KIAA0040: variants seen among roughly 807,000 people sequenced by gnomAD.
KIAA0040 encodes KIAA0040, also known as uncharacterized protein KIAA0040.
KIAA0040 carries 10 observed loss-of-function variants against 7.2 expected under a neutral mutation model. The observed-to-expected ratio is 1.38, with a 90% CI of 0.85 to 2.34. The LOEUF (loss-of-function observed/expected upper bound fraction) is 2.34, where lower values mean the gene tolerates loss of function less well. Among genes scored for constraint, KIAA0040 ranks in the 30% most tolerant of loss-of-function variants. The pLI is 0.00. For synonymous variants in KIAA0040, 49 were observed against 40.1 expected, an observed-to-expected ratio of 1.22 and a Z score of -0.84; for missense variants, 89 against 108.2, an observed-to-expected ratio of 0.82 and a Z score of 0.79.
intron 1 of KIAA0040, among the ~76,000 whole-genome samples, chr1:175,192,226 G>T (rs992832220): frequency 2.0e-5 from 3 of 152,204 alleles, no homozygotes; most frequent in Non-Finnish European, 4.4e-5. Context: ...TAGTTCCTTA[G>T]CTCCAGAGAA....
intron 2 of KIAA0040, among the ~76,000 whole-genome samples, chr1:175,173,761 C>A (rs936675479): frequency 2.6e-5 from 4 of 152,164 alleles, no homozygotes; most frequent in Non-Finnish European, 4.4e-5. Context: ...TTAATAGGAC[C>A]AAACACGTTG....
intron 2 of KIAA0040, among the ~76,000 whole-genome samples, chr1:175,175,048 T>C (rs1206520618): frequency 2.0e-5 from 3 of 152,190 alleles, no homozygotes; most frequent in Non-Finnish European, 4.4e-5. Flanking sequence ...TTAGGAGCGG[T>C]TGAGTGGGGC....
intron 3 of KIAA0040, among the ~76,000 whole-genome samples, chr1:175,163,754 C>T (rs930172029): frequency 2.6e-5 from 4 of 152,130 alleles, no homozygotes; most frequent in African/African-American, 4.8e-5. Context: ...TCCTGATTCA[C>T]GTTAGATAAC....
At chr1:175,189,043 T>C (rs1677772207) in intron 1 of KIAA0040, among the ~76,000 whole-genome samples, 1 of 152,148 alleles carries the variant, frequency 6.6e-6, no homozygotes, top group African/African-American at 2.4e-5. Context: ...CCCTGAACTG[T>C]AGTTTGCTCA....
intron 2 of KIAA0040, among the ~76,000 whole-genome samples, chr1:175,177,158 T>A (rs1450285557): frequency 1.3e-5 from 2 of 152,240 alleles, no homozygotes; most frequent in African/African-American, 2.4e-5. Flanking sequence ...CTCCATGATG[T>A]GGCCTCAGGG....
intron 1 of KIAA0040, among the ~76,000 whole-genome samples, chr1:175,183,641 G>A (rs941470561): frequency 6.6e-6 from 1 of 152,202 alleles, no homozygotes; most frequent in African/African-American, 2.4e-5. Context: ...CGGACATCTG[G>A]GGAGCCAGCC....
At chr1:175,186,852 A>C (rs1013931493) in intron 1 of KIAA0040, among the ~76,000 whole-genome samples, 8 of 152,200 alleles carry the variant, frequency 5.3e-5, no homozygotes, top group African/African-American at 1.7e-4. Flanking sequence ...GTGGGGTGGT[A>C]TGCAAGTGTG....
rs2861158 is a variant in KIAA0040 at position 175,166,693 on chromosome 1, G to A, written c.-265C>T. The A allele has an allele frequency of 0.22, 34,060 of 152,038 alleles. 4,929 individuals are homozygous for A. Among genetic ancestry groups the A allele is most frequent in the Admixed American group, 0.4 (6,102 of 15,250 alleles). 9.4% of individuals were successfully genotyped at this position (152,038 alleles called of 1,614,324 possible). A position where few individuals can be genotyped will look rare whatever the true frequency, so the allele number is the denominator to read the frequency against. ...GTCACGTTCAACGTAGTAAACAATCGCTGAACACCCGCCCTGTGCATTCAG... is the reference window on the plus strand; with the variant it reads ...GTCACGTTCAACGTAGTAAACAATCACTGAACACCCGCCCTGTGCATTCAG... On this transcript the variant is annotated 5_prime_UTR_variant, in exon 3 of 4. The change creates a premature stop within an existing upstream ORF in the 5' untranslated region. Transcript: ENST00000423313.
At chr1:175,168,398 A>C (rs1676856226) in intron 2 of KIAA0040, among the ~76,000 whole-genome samples, 1 of 152,292 alleles carries the variant, frequency 6.6e-6, no homozygotes, top group African/African-American at 2.4e-5. Context: ...TTTTCCCCCC[A>C]GAGTATATAT....
In KIAA0040 at chr1:175,173,580, T is replaced by C. The variant is rs116236619; in HGVS notation, c.-310+4031A>G. 7.9e-3 allele frequency among the ~76,000 whole-genome samples: 1,210 copies of C among 152,338 alleles called. 14 individuals carry two copies. The highest frequency in any genetic ancestry group is 0.028 in the African/African-American group (1,147 of 41,576). ...TCCTCTCTGAGTCCAGAGATCCTAC[T>C]GTAACCACCATTCTCAGAATGCTGA... On this transcript the variant is annotated intron_variant, in intron 2 of 3. Transcript: ENST00000423313.
In KIAA0040 at chr1:175,159,402, G is replaced by A. The variant is rs564836781; in HGVS notation, c.*1312C>T. On this transcript the variant is annotated 3_prime_UTR_variant, in exon 4 of 4. Coordinates refer to ENST00000423313, the MANE Select transcript of KIAA0040 (RefSeq NM_014656.3). Reference sequence around the variant, plus strand: ...CACTTAGAAGAGAAGATCACTCGGGGAGAACTGGTGAGGTATTACAAGCTT... The same window carrying A: ...CACTTAGAAGAGAAGATCACTCGGGAAGAACTGGTGAGGTATTACAAGCTT... 6.6e-6 allele frequency: 1 copy of A among 152,326 alleles called. No homozygotes were observed. Among genetic ancestry groups the A allele is most frequent in the Admixed American group, 6.5e-5 (1 of 15,296 alleles). 9.4% of individuals were successfully genotyped at this position (152,326 alleles called of 1,614,324 possible).
intron 1 of KIAA0040, among the ~76,000 whole-genome samples, chr1:175,181,983 C>CT (rs1252973278): frequency 6.6e-6 from 1 of 152,200 alleles, no homozygotes; most frequent in Non-Finnish European, 1.5e-5. Context: ...CTCCCAGGGC[C>CT]TTCTTGCAGC....
chr1:175,173,756 A>G (rs1382166762), intron 2 of KIAA0040, among the ~76,000 whole-genome samples: 1 of 152,222 alleles, frequency 6.6e-6, no homozygotes, highest in Non-Finnish European at 1.5e-5. Flanking sequence ...ATGTTTTAAT[A>G]GGACCAAACA....
rs1439207911 is a variant in KIAA0040, at chr1:175,161,058, G to A, written c.-45C>T. The A allele has an allele frequency of 5.3e-6, 8 of 1,507,600 alleles. No homozygotes were observed. The highest frequency in any genetic ancestry group is 2.5e-5 in the East Asian group (1 of 40,538). 93.4% of individuals were successfully genotyped at this position (1,507,600 alleles called of 1,614,324 possible). ...GCCAGAGAACCCTCTCGGCTTACAA[G>A]CAGGTCCTGGGCTCAAAAGGATGCA... On this transcript the variant is annotated 5_prime_UTR_variant, in exon 4 of 4. Transcript: ENST00000423313.
At chr1:175,185,132 T>C (rs1443714043) in intron 1 of KIAA0040, among the ~76,000 whole-genome samples, 1 of 152,180 alleles carries the variant, frequency 6.6e-6, no homozygotes, top group African/African-American at 2.4e-5. Context: ...GAAATGCACA[T>C]TGGATTTTAA....
At chr1:175,181,467 ACTT>A (rs909785453) in intron 1 of KIAA0040, among the ~76,000 whole-genome samples, 9 of 152,242 alleles carry the variant, frequency 5.9e-5, no homozygotes, top group African/African-American at 2.2e-4. Flanking sequence ...TGCATGAAGA[ACTT>A]CTCTCTCTTC....
chr1:175,178,654 A>G lies in KIAA0040; in HGVS notation c.-383-970T>C, dbSNP rs1443093559. ...AAAAGAGTTTCTTCACGAACCTTAG[A>G]GCACTGAAGTCCTGCTCTGCTTAGC... On this transcript the variant is annotated intron_variant, in intron 1 of 3. Coordinates refer to ENST00000423313, the MANE Select transcript of KIAA0040 (RefSeq NM_014656.3). 3.9e-5 allele frequency among the ~76,000 whole-genome samples: 6 copies of G among 152,308 alleles called. No homozygotes were observed. The East Asian group carries it at 1.2e-3, about 29-fold the overall frequency.
chr1:175,164,553 A>G (rs1676680247), intron 3 of KIAA0040, among the ~76,000 whole-genome samples: 2 of 152,058 alleles, frequency 1.3e-5, no homozygotes, highest in Non-Finnish European at 1.5e-5. Flanking sequence ...GGCACCTAAA[A>G]TGGCCTTTGA....
At chr1:175,185,485 T>C (rs1247358998) in intron 1 of KIAA0040, among the ~76,000 whole-genome samples, 2 of 152,200 alleles carry the variant, frequency 1.3e-5, no homozygotes, top group African/African-American at 2.4e-5. Context: ...AGAGGTAGTA[T>C]TTAATATCTT....
Sources: allele counts gnomAD v4.1 joint callset (sites outside exome capture counted in the v4.1 genomes callset), GRCh38; gene constraint gnomAD v4.1.1; transcripts MANE v1.5; gene names NCBI Gene and HGNC (gene_info 2026-07-23, HGNC 2026-07-21).